The following CENPF variants were observed in gnomAD, a reference collection of about 807,000 sequenced individuals.
CENPF encodes the protein AH antigen.
CENPF carries 214 observed loss-of-function variants against 307.3 expected under a neutral mutation model. The observed-to-expected ratio is 0.70, with a 90% CI of 0.62 to 0.78. The LOEUF is 0.78. Among genes scored for constraint, CENPF ranks in the 30% least tolerant of loss-of-function variants. CENPF has a pLI of 0.00. For synonymous variants in CENPF, 1,259 were observed against 1,270.6 expected, an observed-to-expected ratio of 0.99 and a Z score of 0.19; for missense variants, 3,401 against 3,483.9, an observed-to-expected ratio of 0.98 and a Z score of 0.60.
chr1:214,657,482 CAA>C (rs1169116047), intron 18 of CENPF, 73 bp downstream of exon 18: 1 of 1,143,060 alleles, frequency 8.7e-7, no homozygotes, highest in Non-Finnish European at 1.3e-6. Flanking sequence ...TATAAAAAGA[CAA>C]AAGTATTTGC....
Position 214,647,098 on chromosome 1 carries a change from G to T in CENPF, c.7528G>T (p.Val2510Leu). Residue 2510 changes from valine to leucine, a missense_variant, in exon 13 of 20, where the codon GTA becomes TTA. Transcript: ENST00000366955. ...TTCAGTGAATGGCCTCATTCAAGAA[G>T]TAGAAGATGGCAAGCAGAAACTGGA... ...QSSVNGLIQE[V>L]EDGKQKLEKK... is the part of the protein sequence containing the mutation. The T allele has an allele frequency of 6.2e-7, 1 of 1,614,076 alleles. No individual in the cohort carries two copies. The highest frequency in any genetic ancestry group is 8.5e-7 in the Non-Finnish European group (1 of 1,179,976).
rs761308916 is a variant in CENPF, at chr1:214,657,245, A to C, written c.8798A>C (p.Gln2933Pro). 1.9e-6 allele frequency: 3 copies of C among 1,614,152 alleles called. No homozygotes were observed. Among genetic ancestry groups the C allele is most frequent in the Non-Finnish European group, 2.5e-6 (3 of 1,180,018 alleles). The change falls in exon 18 of 20, where the codon CAA (glutamine) becomes CCA (proline). Residue 2933 changes from glutamine to proline, a missense_variant. Transcript: ENST00000366955. ...SGQNKASGKR[Q>P]RSSGIWENGR... ...CAAAATAAAGCTTCAGGCAAGAGGC[A>C]AAGATCCAGTGGAATATGGGAGAAT...
Position 214,613,917 on chromosome 1 carries a change from G to T in CENPF, c.162+1G>T, listed in dbSNP as rs374123290. 3.7e-6 allele frequency: 6 copies of T among 1,606,742 alleles called. No individual in the cohort carries two copies. The Admixed American group carries it at 1.0e-4, about 28-fold the overall frequency. The stretch of plus-strand genomic sequence containing the variant: ...TGCGCTGCAGAAGCAAAAACAGAAG[G>T]TACCCCTGAAGCTCTGGTATTTGTA... On this transcript the variant is annotated splice_donor_variant, in intron 2 of 19. Transcript: ENST00000366955. LOFTEE classifies it high-confidence loss of function.
chr1:214,620,292 G>T (rs997752702), intron 5 of CENPF, among the ~76,000 whole-genome samples: 1 of 152,164 alleles, frequency 6.6e-6, no homozygotes, highest in Non-Finnish European at 1.5e-5. Context: ...AAAGCTATAG[G>T]GGGAGGTAAC....
At chr1:214,652,681 G>A in intron 15 of CENPF, 147 bp from the exon 16 acceptor site, 1 of 561,546 alleles carries the variant, frequency 1.8e-6, no homozygotes, top group African/African-American at 1.9e-5. Flanking sequence ...CTGACCTCGT[G>A]ATCTGCCCAC....
At position 214,640,044 on chromosome 1, in the gene CENPF, G is replaced by T; in HGVS notation, c.1706G>T (p.Cys569Phe). The T allele has an allele frequency of 1.9e-6, 3 of 1,603,402 alleles. No homozygotes were observed. The highest frequency in any genetic ancestry group is 2.5e-6 in the Non-Finnish European group (3 of 1,177,548). The change falls in exon 12 of 20, where the codon TGT (cysteine) becomes TTT (phenylalanine). Residue 569 changes from cysteine to phenylalanine, a missense_variant. Transcript: ENST00000366955. Reference protein sequence around the residue: ...AVADLEKQRDCSQDLLKKREH... With the variant: ...AVADLEKQRDFSQDLLKKREH... ...GCTGATCTGGAAAAGCAGCGAGATTGTTCTCAAGACCTTTTGAAGAAAAGA... is the reference window on the plus strand; with the variant it reads ...GCTGATCTGGAAAAGCAGCGAGATTTTTCTCAAGACCTTTTGAAGAAAAGA...
Position 214,656,001 on chromosome 1 carries a change from C to T in CENPF, c.8485+598C>T, listed in dbSNP as rs550496541. On this transcript the variant is annotated intron_variant, in intron 17 of 19. Coordinates refer to ENST00000366955, the MANE Select transcript of CENPF (RefSeq NM_016343.4). Reference sequence around the variant, plus strand: ...CCATTCTAAGAAGAGTTTTTTATGTCGATGTCCAGTTACGTGGTTTCTTTG... The same window carrying T: ...CCATTCTAAGAAGAGTTTTTTATGTTGATGTCCAGTTACGTGGTTTCTTTG... Among the ~76,000 whole-genome samples, 11 of 152,176 alleles carry T rather than the reference C, an allele frequency of 7.2e-5. No homozygotes were observed. The East Asian group carries it at 1.2e-3, about 16-fold the overall frequency.
rs183954900 is a variant in CENPF at position 214,617,575 on chromosome 1, A to G, written c.360-998A>G. Reference sequence around the variant, plus strand: ...CTGAATACCTTTATACAGGGTGTACATATATACAATATGTAACTTATGTTT... The same window carrying G: ...CTGAATACCTTTATACAGGGTGTACGTATATACAATATGTAACTTATGTTT... On this transcript the variant is annotated intron_variant, in intron 3 of 19. Coordinates refer to ENST00000366955, the MANE Select transcript of CENPF (RefSeq NM_016343.4). 4.4e-4 allele frequency among the ~76,000 whole-genome samples: 67 copies of G among 152,354 alleles called. 1 individual carries two copies. The highest frequency in any genetic ancestry group is 1.0e-3 in the South Asian group (5 of 4,832).
chr1:214,648,394 A>T, intron 13 of CENPF: 1 of 550,484 alleles, frequency 1.8e-6, no homozygotes, highest in Non-Finnish European at 3.4e-6. Context: ...ATTCAAATTA[A>T]TACCTTTGTG....
chr1:214,625,148 G>A (rs1161947926), intron 7 of CENPF, among the ~76,000 whole-genome samples: 1 of 151,782 alleles, frequency 6.6e-6, no homozygotes, highest in African/African-American at 2.4e-5. Flanking sequence ...AACCTATTTT[G>A]TTATATTGAG....
At chr1:214,626,866 C>T (rs1191549196) in intron 7 of CENPF, among the ~76,000 whole-genome samples, 2 of 152,154 alleles carry the variant, frequency 1.3e-5, no homozygotes, top group African/African-American at 4.8e-5. Context: ...TGCATTTCTG[C>T]CAAGCTAGGC....
At position 214,657,082 on chromosome 1, in the gene CENPF, G is replaced by A. The variant is rs374750625; in HGVS notation, c.8635G>A (p.Glu2879Lys). 1.2e-6 allele frequency: 2 copies of A among 1,614,054 alleles called. No homozygotes were observed. Among genetic ancestry groups the A allele is most frequent in the African/African-American group, 1.3e-5 (1 of 74,920 alleles). ...ISHEKLEKAK[E>K]MLETQVAHLC... ...CCATGAAAAGTTAGAGAAAGCTAAA[G>A]AGATGTTAGAGACACAAGTGGCCCA... Residue 2879 changes from glutamate (E) to lysine (K), a missense_variant, in exon 18 of 20, where the codon GAG becomes AAG. Coordinates refer to ENST00000366955, the MANE Select transcript of CENPF (RefSeq NM_016343.4).
chr1:214,605,576 T>G, intron 1 of CENPF: 2 of 1,007,054 alleles, frequency 2.0e-6, no homozygotes, highest in East Asian at 5.2e-5. Flanking sequence ...CGGGGTCCCC[T>G]GGGCCGCCCG....
chr1:214,610,770 C>T (rs539754830), intron 1 of CENPF, among the ~76,000 whole-genome samples: 4 of 152,080 alleles, frequency 2.6e-5, no homozygotes, highest in African/African-American at 4.8e-5. Flanking sequence ...TTCCTGTGTC[C>T]GGGATGGTAT....
chr1:214,646,980 T>C lies in CENPF; in HGVS notation c.7410T>C (p.Asn2470=). Reference sequence around the variant, plus strand: ...AAGCCTGTAAGGCCAAAGAGCAGAATCTTAGTAGTCAAGTAGAGTGTCTTG... The same window carrying C: ...AAGCCTGTAAGGCCAAAGAGCAGAACCTTAGTAGTCAAGTAGAGTGTCTTG... ...DQEACKAKEQ[N]LSSQVECLEL... Residue 2470 remains asparagine, a synonymous_variant, in exon 13 of 20, where the codon AAT becomes AAC. Coordinates refer to ENST00000366955, the MANE Select transcript of CENPF (RefSeq NM_016343.4). 6.2e-7 allele frequency: 1 copy of C among 1,614,056 alleles called. No homozygotes were observed.
Position 214,634,408 on chromosome 1 carries a change from G to T in CENPF, c.1446+1806G>T, listed in dbSNP as rs531048330. 2.0e-5 allele frequency among the ~76,000 whole-genome samples: 3 copies of T among 152,226 alleles called. No individual in the cohort carries two copies. In the East Asian group the frequency reaches 5.8e-4, roughly 29 times the overall value. ...GTAACTTAGTGGGAAAATGGTAGTGGCTTTAGAGTGAGTGAGATCTGAGAT... is the reference window on the plus strand; with the variant it reads ...GTAACTTAGTGGGAAAATGGTAGTGTCTTTAGAGTGAGTGAGATCTGAGAT... On this transcript the variant is annotated intron_variant, in intron 10 of 19. Transcript: ENST00000366955.
chr1:214,638,923 G>A (rs566303259), intron 11 of CENPF, among the ~76,000 whole-genome samples: 1 of 152,360 alleles, frequency 6.6e-6, no homozygotes, highest in East Asian at 1.9e-4. Context: ...AAAAGGAACA[G>A]TTGGGGCATT....
chr1:214,638,503 T>C (rs2102555978), intron 11 of CENPF, among the ~76,000 whole-genome samples: 1 of 152,380 alleles, frequency 6.6e-6, no homozygotes, highest in South Asian at 2.1e-4. Context: ...AATTCTGCTC[T>C]ACACATCAAA....
Position 214,642,881 on chromosome 1 carries a change from G to A in CENPF, c.4543G>A (p.Ala1515Thr), listed in dbSNP as rs2666839. Residue 1515 changes from alanine to threonine, a missense_variant, in exon 12 of 20, where the codon GCT becomes ACT. Transcript: ENST00000366955. ...DMSLLSNLEG[A>T]VSANQCSVDE... ...GTCTCTTTTGAGTAATTTAGAAGGG[G>A]CTGTTTCAGCAAACCAGTGCAGTGT... 0.13 allele frequency: 207,895 copies of A among 1,613,606 alleles called. 25,061 individuals are homozygous for A. Among genetic ancestry groups the A allele is most frequent in the African/African-American group, 0.62 (46,614 of 74,818 alleles).
Sources: gnomAD v4.1 joint callset for allele counts (sites outside exome capture counted in the v4.1 genomes callset) on GRCh38, gnomAD v4.1.1 for gene constraint, MANE v1.5 for transcripts, NCBI Gene and HGNC (gene_info 2026-07-23, HGNC 2026-07-21) for gene names.